PLBD1: variants seen among roughly 807,000 people sequenced by gnomAD.
The protein encoded by PLBD1 is phospholipase B domain containing 1.
Under a neutral mutation model 63.0 loss-of-function variants are expected in PLBD1, and 60 were observed. The observed-to-expected ratio is 0.95, with a 90% CI of 0.77 to 1.18. The LOEUF is 1.18. PLBD1 is among the 50% of genes most tolerant of loss of function. The pLI, the probability that PLBD1 is intolerant of heterozygous loss-of-function variation, is 0.00. For missense variants in PLBD1, 598 were observed against 677.9 expected (o/e 0.88, Z 1.31); for synonymous variants, 262 against 248.0 (o/e 1.06, Z -0.53).
intron 2 of PLBD1, 101 bp downstream of exon 2, chr12:14,553,092 T>C (rs984129884): frequency 3.8e-5 from 41 of 1,072,360 alleles, no homozygotes; most frequent in Middle Eastern, 3.0e-4. Flanking sequence ...CCAGCTACTC[T>C]TCAGTTCTAA....
chr12:14,518,419 C>A (rs1159967684), intron 6 of PLBD1, among the ~76,000 whole-genome samples: 1 of 152,178 alleles, frequency 6.6e-6, no homozygotes, highest in Non-Finnish European at 1.5e-5. Context: ...CTTCAAGTAA[C>A]AAGTCCTGTG....
rs185191421 is a variant in PLBD1, at chr12:14,507,822, C to T, written c.1187-704G>A. ...TAGTGTGTGAAGGCCACATAGCCTA[C>T]TAGTCACTGAGCACCAAATATGTGA... On this transcript the variant is annotated intron_variant, in intron 8 of 10. Transcript: ENST00000240617. Among the ~76,000 whole-genome samples, 237 of 152,294 alleles carry T rather than the reference C, an allele frequency of 1.6e-3. 2 individuals are homozygous for T. Among genetic ancestry groups the T allele is most frequent in the African/African-American group, 5.4e-3 (223 of 41,560 alleles).
At position 14,561,552 on chromosome 12, in the gene PLBD1, C is replaced by T. The variant is rs182448224; in HGVS notation, c.115+6030G>A. On this transcript the variant is annotated intron_variant, in intron 1 of 10. Coordinates refer to ENST00000240617, the MANE Select transcript of PLBD1 (RefSeq NM_024829.6). ...TTATGGATTACGTGGCCACCTGGAT[C>T]CCCAACTTTCTTTTGTTTTGAGACA... is the stretch of plus-strand genomic sequence containing the variant. Among the ~76,000 whole-genome samples, 284 of 152,166 alleles carry T rather than the reference C, an allele frequency of 1.9e-3. 1 individual carries two copies. Among genetic ancestry groups the T allele is most frequent in the Middle Eastern group, 3.4e-3 (1 of 294 alleles).
In PLBD1 at chr12:14,511,428, G is replaced by A. The variant is rs368419654; in HGVS notation, c.1046-28C>T. The A allele has an allele frequency of 6.7e-5, 108 of 1,613,260 alleles. 1 individual carries two copies. The highest frequency in any genetic ancestry group is 8.4e-5 in the Non-Finnish European group (99 of 1,179,474). The stretch of plus-strand genomic sequence containing the variant: ...GAAATATCAGGAAACATGAAGACGG[G>A]GCATGGGTATGACTTTACTGGTTAA... On this transcript the variant is annotated intron_variant, in intron 7 of 10. Coordinates refer to ENST00000240617, the MANE Select transcript of PLBD1 (RefSeq NM_024829.6).
intron 1 of PLBD1, among the ~76,000 whole-genome samples, chr12:14,565,856 G>T (rs144044043): frequency 1.6e-3 from 246 of 152,294 alleles, no homozygotes; most frequent in African/African-American, 5.6e-3. Context: ...TGCTGGGCAT[G>T]GTGCTGTCAG....
rs776190572 is a variant in PLBD1, at chr12:14,535,664, T to TAACTGCTGAAAGAGAGGCGAC, written c.818_838dup (p.Ser279_Tyr280insCysArgLeuSerPheSerSer). Reference sequence around the variant, plus strand: ...GTTCCTTTAAATTCATTTACCTGGGTAACTGCTGAAAGAGAGGCGACTACT... The same window carrying TAACTGCTGAAAGAGAGGCGAC: ...GTTCCTTTAAATTCATTTACCTGGGTAACTGCTGAAAGAGAGGCGACAACTGCTGAAAGAGAGGCGACTACT... On this transcript the variant is annotated inframe_insertion, in exon 6 of 11. Coordinates refer to ENST00000240617, the MANE Select transcript of PLBD1 (RefSeq NM_024829.6). The TAACTGCTGAAAGAGAGGCGAC allele has an allele frequency of 6.2e-7, 1 of 1,613,906 alleles. No individual in the cohort carries two copies. The highest frequency in any genetic ancestry group is 8.5e-7 in the Non-Finnish European group (1 of 1,179,882).
intron 1 of PLBD1, among the ~76,000 whole-genome samples, chr12:14,556,805 A>G (rs1197621003): frequency 6.6e-6 from 1 of 151,440 alleles, no homozygotes; most frequent in Non-Finnish European, 1.5e-5. Context: ...ACCAACATGG[A>G]GCAACTCCGT....
chr12:14,542,066 G>A, intron 3 of PLBD1, 142 bp downstream of exon 3: 3 of 634,808 alleles, frequency 4.7e-6, no homozygotes, highest in Non-Finnish European at 8.3e-6. Flanking sequence ...TTAGCAAAAA[G>A]TGCTATACCC....
chr12:14,532,278 AGGTTCT>A (rs1945471727), intron 6 of PLBD1, among the ~76,000 whole-genome samples: 1 of 152,190 alleles, frequency 6.6e-6, no homozygotes, highest in Non-Finnish European at 1.5e-5. Context: ...TTGTGGAGCA[AGGTTCT>A]CAAAAGGCCT....
At chr12:14,561,200 A>G (rs771460533) in intron 1 of PLBD1, among the ~76,000 whole-genome samples, 12 of 150,992 alleles carry the variant, frequency 7.9e-5, no homozygotes, top group African/African-American at 1.5e-4. Context: ...CAGCTTTAAA[A>G]ACTAGCTTCA....
rs762599942 is a variant in PLBD1, at chr12:14,538,933, C to T, written c.558+1831G>A. On this transcript the variant is annotated intron_variant, in intron 4 of 10. Coordinates refer to ENST00000240617, the MANE Select transcript of PLBD1 (RefSeq NM_024829.6). Reference sequence around the variant, plus strand: ...CCCAGCTACTCAAGAGGCTGAGGCACGAGAATTGCTTGAGTCCAGGAGGCG... The same window carrying T: ...CCCAGCTACTCAAGAGGCTGAGGCATGAGAATTGCTTGAGTCCAGGAGGCG... 1.1e-4 allele frequency among the ~76,000 whole-genome samples: 16 copies of T among 152,028 alleles called. 1 individual carries two copies. The highest frequency in any genetic ancestry group is 8.5e-4 in the Admixed American group (13 of 15,244).
Position 14,553,423 on chromosome 12 carries a change from AG to A in PLBD1, c.116-12del. The A allele has an allele frequency of 6.2e-7, 1 of 1,605,116 alleles. No individual in the cohort carries two copies. The highest frequency in any genetic ancestry group is 1.7e-5 in the Admixed American group (1 of 59,744). ...TTGCATAGTAGACTCCTAGAAGAAAAGGGAATAATGACAAAAACGCCATTCA... is the reference window on the plus strand; with the variant it reads ...TTGCATAGTAGACTCCTAGAAGAAAAGGAATAATGACAAAAACGCCATTCA... On this transcript the variant is annotated splice_polypyrimidine_tract_variant and intron_variant, in intron 1 of 10. Coordinates refer to ENST00000240617, the MANE Select transcript of PLBD1 (RefSeq NM_024829.6).
At position 14,535,680 on chromosome 12, in the gene PLBD1, G is replaced by A; in HGVS notation, c.823C>T (p.Leu275Phe). Reference sequence around the variant, plus strand: ...TTACCTGGGTAACTGCTGAAAGAGAGGCGACTACTGCTGGTATCTTTATCT... The same window carrying A: ...TTACCTGGGTAACTGCTGAAAGAGAAGCGACTACTGCTGGTATCTTTATCT... Reference protein sequence around the residue: ...VIDKDTSSSRLSFSSYPGFLE... With the variant: ...VIDKDTSSSRFSFSSYPGFLE... Residue 275 changes from leucine to phenylalanine, a missense_variant, in exon 6 of 11, where the codon CTC becomes TTC. Coordinates refer to ENST00000240617, the MANE Select transcript of PLBD1 (RefSeq NM_024829.6). 6.2e-7 allele frequency: 1 copy of A among 1,614,056 alleles called. No individual in the cohort carries two copies. The highest frequency in any genetic ancestry group is 1.1e-5 in the South Asian group (1 of 91,076).
rs773113855 is a variant in PLBD1, at chr12:14,506,171, A to G, written c.1470T>C (p.Tyr490=). 9 of 1,605,656 alleles carry G rather than the reference A, an allele frequency of 5.6e-6. No individual in the cohort carries two copies. In the Admixed American group the frequency reaches 6.8e-5, roughly 12 times the overall value. ...GCCAATAGCATGTTACCTTTGTGTC[A>G]TAACAACCTCCAGGACTTGGGTTAG... ...NSPNPSPGGC[Y]DTKVADIYLA... is the part of the protein sequence containing the mutation. The change falls in exon 10 of 11, where the codon TAT becomes TAC. Residue 490 remains tyrosine (Y), a synonymous_variant. Coordinates refer to ENST00000240617, the MANE Select transcript of PLBD1 (RefSeq NM_024829.6).
rs775116197 is a variant in PLBD1, at chr12:14,540,771, C to G, written c.551G>C (p.Gly184Ala). The G allele has an allele frequency of 1.3e-6, 2 of 1,588,158 alleles. No individual in the cohort carries two copies. The highest frequency in any genetic ancestry group is 1.7e-6 in the Non-Finnish European group (2 of 1,162,940). The change falls in exon 4 of 11, where the codon GGG (glycine) becomes GCG (alanine). Residue 184 changes from glycine (G) to alanine (A), a missense_variant. Gly to Ala is a moderately conservative substitution (Grantham distance 60). Transcript: ENST00000240617. ...GCTTGTTTAAAGTCCTACCTTTGTCCCTTCTAATATAGCCCTCTTCTTTGC... is the reference window on the plus strand; with the variant it reads ...GCTTGTTTAAAGTCCTACCTTTGTCGCTTCTAATATAGCCCTCTTCTTTGC... ...VGAKKRAILE[G>A]TKPMTLFQIQ... is the part of the protein sequence containing the mutation.
intron 1 of PLBD1, among the ~76,000 whole-genome samples, chr12:14,564,289 T>C (rs972062155): frequency 2.0e-5 from 3 of 152,126 alleles, no homozygotes; most frequent in Non-Finnish European, 4.4e-5. Context: ...CAAATCAGCT[T>C]ATGGAGACTG....
chr12:14,556,207 G>T (rs1023601664), intron 1 of PLBD1, among the ~76,000 whole-genome samples: 1 of 152,194 alleles, frequency 6.6e-6, no homozygotes, highest in South Asian at 2.1e-4. Flanking sequence ...GATGGATGTT[G>T]TATCATTTAC....
intron 9 of PLBD1, 129 bp downstream of exon 9, chr12:14,506,804 A>G: frequency 2.7e-6 from 2 of 738,168 alleles, no homozygotes; most frequent in Non-Finnish European, 4.2e-6. Flanking sequence ...AATGTACAAT[A>G]TTAGTTAAAT....
At chr12:14,536,172 CCA>C in intron 5 of PLBD1, 2 of 243,166 alleles carry the variant, frequency 8.2e-6, no homozygotes, top group South Asian at 6.2e-5. Context: ...GGTGGCACAC[CCA>C]TGTAGTCCCA....
Sources: gnomAD v4.1 joint callset for allele counts (sites outside exome capture counted in the v4.1 genomes callset) on GRCh38, gnomAD v4.1.1 for gene constraint, MANE v1.5 for transcripts, NCBI Gene and HGNC (gene_info 2026-07-23, HGNC 2026-07-21) for gene names.